The following ZDHHC14 variants were observed in gnomAD, a reference collection of about 807,000 sequenced individuals.
ZDHHC14 encodes zDHHC palmitoyltransferase 14.
Under a neutral mutation model 47.7 loss-of-function variants are expected in ZDHHC14, and 16 were observed. That is an observed-to-expected ratio of 0.34 (90% CI 0.23 to 0.51). The LOEUF (loss-of-function observed/expected upper bound fraction) is 0.51, where lower values mean the gene tolerates loss of function less well. Ranked by LOEUF, ZDHHC14 falls within the 20% of genes least tolerant of loss-of-function variation. The probability of loss-of-function intolerance (pLI) is 0.97; values close to 1 mark genes in which losing one functional copy is unlikely to be tolerated. For synonymous variants in ZDHHC14, 293 were observed against 278.9 expected, an observed-to-expected ratio of 1.05 and a Z score of -0.50; for missense variants, 515 against 662.5, an observed-to-expected ratio of 0.78 and a Z score of 2.44.
chr6:157,461,424 C>T (rs1173054863), intron 1 of ZDHHC14, among the ~76,000 whole-genome samples: 1 of 152,298 alleles, frequency 6.6e-6, no homozygotes, highest in South Asian at 2.1e-4. Context: ...ACAAAGGAAG[C>T]AGGGCAGATT....
chr6:157,452,411 G>A (rs1778823451), intron 1 of ZDHHC14, among the ~76,000 whole-genome samples: 1 of 152,172 alleles, frequency 6.6e-6, no homozygotes, highest in Non-Finnish European at 1.5e-5. Context: ...AAGCAGTGAT[G>A]TCTGTGAGAC....
intron 1 of ZDHHC14, among the ~76,000 whole-genome samples, chr6:157,485,304 C>T (rs1404851968): frequency 6.6e-6 from 1 of 152,086 alleles, no homozygotes; most frequent in East Asian, 1.9e-4. Flanking sequence ...GCTTCATCCT[C>T]TGCACACACC....
At chr6:157,475,591 A>C (rs1380644449) in intron 1 of ZDHHC14, among the ~76,000 whole-genome samples, 1 of 152,130 alleles carries the variant, frequency 6.6e-6, no homozygotes, top group Non-Finnish European at 1.5e-5. Flanking sequence ...GGTTAAATTT[A>C]TTCCTAAGTA....
At position 157,675,542 on chromosome 6, in the gene ZDHHC14, G is replaced by C. The variant is rs1214989631; in HGVS notation, c.*2420G>C. On this transcript the variant is annotated 3_prime_UTR_variant, in exon 9 of 9. Coordinates refer to ENST00000359775, the MANE Select transcript of ZDHHC14 (RefSeq NM_024630.3). ...TTAACTTGAATGGGCCAATTTGCTA[G>C]ATAATTAATGTCTTAAAAACCAAAA... The C allele has an allele frequency of 6.6e-6, 1 of 152,214 alleles. No individual in the cohort carries two copies. The highest frequency in any genetic ancestry group is 1.5e-5 in the Non-Finnish European group (1 of 68,048). The allele number at this position is 152,214 out of a possible 1,614,324, so 9.4% of individuals were successfully genotyped here.
At chr6:157,564,541 G>T (rs1385756505) in intron 2 of ZDHHC14, among the ~76,000 whole-genome samples, 1 of 152,216 alleles carries the variant, frequency 6.6e-6, no homozygotes, top group Non-Finnish European at 1.5e-5. Flanking sequence ...CTAGTGAGTT[G>T]TCAGACATCT....
At position 157,586,936 on chromosome 6, in the gene ZDHHC14, C is replaced by T. The variant is rs1388401761; in HGVS notation, c.407-6052C>T. Among the ~76,000 whole-genome samples, 1 of 152,154 alleles carries T rather than the reference C, an allele frequency of 6.6e-6. No individual in the cohort carries two copies. Among genetic ancestry groups the T allele is most frequent in the Non-Finnish European group, 1.5e-5 (1 of 68,026 alleles). Reference sequence around the variant, plus strand: ...CAGAGGTTCAATCTTTTAAAAAATGCACTTTGGAACTAAAGATCAATAGAG... The same window carrying T: ...CAGAGGTTCAATCTTTTAAAAAATGTACTTTGGAACTAAAGATCAATAGAG... On this transcript the variant is annotated intron_variant, in intron 2 of 8. Coordinates refer to ENST00000359775, the MANE Select transcript of ZDHHC14 (RefSeq NM_024630.3). This position sits in a 1 kb window ranked among gnomAD's most constrained non-coding sequence, Gnocchi z 4.6.
At chr6:157,405,530 C>T (rs1465948661) in intron 1 of ZDHHC14, among the ~76,000 whole-genome samples, 2 of 151,960 alleles carry the variant, frequency 1.3e-5, no homozygotes, top group African/African-American at 2.4e-5. Context: ...CCGTGCCTGG[C>T]CGAGCTCAAA....
At chr6:157,466,564 A>G (rs9379317) in intron 1 of ZDHHC14, among the ~76,000 whole-genome samples, 82,426 of 152,186 alleles carry the variant, frequency 0.54, 23,677 homozygotes, top group East Asian at 0.9. Flanking sequence ...TTGGCCAGGC[A>G]TGGTGGCTCA....
chr6:157,543,816 G>T (rs1363491417), intron 2 of ZDHHC14, among the ~76,000 whole-genome samples: 3 of 152,192 alleles, frequency 2.0e-5, no homozygotes, highest in African/African-American at 7.2e-5. Context: ...GAAGGAGGGG[G>T]AGGGAGAAGC....
intron 2 of ZDHHC14, among the ~76,000 whole-genome samples, chr6:157,589,536 T>C (rs1364048321): frequency 1.3e-5 from 2 of 152,132 alleles, no homozygotes; most frequent in East Asian, 3.9e-4. Context: ...ATTCTCATGA[T>C]AGTGAGTGAG....
intron 1 of ZDHHC14, among the ~76,000 whole-genome samples, chr6:157,449,255 C>A (rs1778748064): frequency 6.6e-6 from 1 of 152,162 alleles, no homozygotes; most frequent in African/African-American, 2.4e-5. Context: ...CAAATGCATC[C>A]ATGAGTTTCC....
chr6:157,604,664 C>T (rs1784466707), intron 3 of ZDHHC14, among the ~76,000 whole-genome samples: 1 of 152,190 alleles, frequency 6.6e-6, no homozygotes, highest in Non-Finnish European at 1.5e-5. Context: ...CTGCCTCAGC[C>T]TCCAAAGTAG....
At chr6:157,643,798 T>G (rs985853063) in intron 5 of ZDHHC14, among the ~76,000 whole-genome samples, 2 of 151,242 alleles carry the variant, frequency 1.3e-5, no homozygotes, top group African/African-American at 4.9e-5. Flanking sequence ...ACTTTCAGTC[T>G]GGGATTGTCA....
intron 1 of ZDHHC14, among the ~76,000 whole-genome samples, chr6:157,396,258 G>T (rs973288678): frequency 3.9e-5 from 6 of 152,116 alleles, no homozygotes; most frequent in Admixed American, 2.6e-4. Context: ...GGTCTGCAGA[G>T]ACTTGCTGTC....
intron 5 of ZDHHC14, among the ~76,000 whole-genome samples, chr6:157,638,510 G>C (rs1777090583): frequency 6.6e-6 from 1 of 151,900 alleles, no homozygotes; most frequent in African/African-American, 2.4e-5. Context: ...AAAAAAAAAG[G>C]GACTGGGCCC....
chr6:157,460,029 T>C (rs1049329067), intron 1 of ZDHHC14, among the ~76,000 whole-genome samples: 12 of 131,598 alleles, frequency 9.1e-5, no homozygotes, highest in African/African-American at 1.4e-4. Flanking sequence ...CTGGCCAACA[T>C]AGTGAAACCC....
chr6:157,594,230 C>G (rs1474159838), intron 3 of ZDHHC14, among the ~76,000 whole-genome samples: 1 of 152,218 alleles, frequency 6.6e-6, no homozygotes, highest in African/African-American at 2.4e-5. Flanking sequence ...TTTACCCTAA[C>G]TTTAATAATC....
At chr6:157,420,163 A>G (rs902299835) in intron 1 of ZDHHC14, among the ~76,000 whole-genome samples, 2 of 151,818 alleles carry the variant, frequency 1.3e-5, no homozygotes, top group African/African-American at 4.8e-5. Context: ...GAGAGAAGGT[A>G]TAGTCATTGA....
In ZDHHC14 at chr6:157,653,560, C is replaced by T. The variant is rs8180688; in HGVS notation, c.1001C>T (p.Thr334Met). 3.1e-3 allele frequency: 5,030 copies of T among 1,613,990 alleles called. 18 individuals carry two copies. The highest frequency in any genetic ancestry group is 0.014 in the East Asian group (616 of 44,884). The change falls in exon 8 of 9, where the codon ACG becomes ATG. Residue 334 changes from threonine (T) to methionine (M), a missense_variant. Transcript: ENST00000359775. Reference sequence around the variant, plus strand: ...AGAAGAGGGTACATCCAGCCCGACACGCCGCAGCCAGCAGCACCCTCCAAT... The same window carrying T: ...AGAAGAGGGTACATCCAGCCCGACATGCCGCAGCCAGCAGCACCCTCCAAT... Reference protein sequence around the residue: ...IDRRGYIQPDTPQPAAPSNGI... With the variant: ...IDRRGYIQPDMPQPAAPSNGI...
Sources: gnomAD v4.1 joint callset for allele counts (sites outside exome capture counted in the v4.1 genomes callset) on GRCh38, gnomAD v4.1.1 for gene constraint, Gnocchi (gnomAD v3.1) non-coding constraint, MANE v1.5 for transcripts, NCBI Gene and HGNC (gene_info 2026-07-23, HGNC 2026-07-21) for gene names.